Variants in BTD observed in about 807,000 individuals in gnomAD.
The protein encoded by BTD is biocytinase.
A neutral mutation model predicts 17.7 loss-of-function variants in BTD; 13 were observed. That is an observed-to-expected ratio of 0.74 (90% confidence interval 0.48 to 1.17). The LOEUF (loss-of-function observed/expected upper bound fraction) is 1.17. BTD is among the 50% of genes most tolerant of loss of function. The pLI is 0.00. For synonymous variants in BTD, 240 were observed against 245.2 expected, an observed-to-expected ratio of 0.98 and a Z score of 0.20; for missense variants, 674 against 650.4, an observed-to-expected ratio of 1.04 and a Z score of -0.39.
Position 15,651,012 on chromosome 3 carries a change from C to G in BTD, c.*5524C>G, listed in dbSNP as rs1387515701. On this transcript the variant is annotated 3_prime_UTR_variant, in exon 4 of 4. Transcript: ENST00000643237. ...CTCGATCTCCTGACCTCATGATCTGCCTGCCTCAGCCTCCCAAAGTGCTGG... is the reference window on the plus strand; with the variant it reads ...CTCGATCTCCTGACCTCATGATCTGGCTGCCTCAGCCTCCCAAAGTGCTGG... Among the ~76,000 whole-genome samples the G allele has an allele frequency of 6.6e-6, 1 of 152,232 alleles. No homozygotes were observed.
intron 2 of BTD, among the ~76,000 whole-genome samples, chr3:15,638,910 G>C (rs781163970): frequency 5.3e-5 from 8 of 152,210 alleles, no homozygotes; most frequent in Non-Finnish European, 1.0e-4. Context: ...TAAAAATTCA[G>C]TATTATAATC....
intron 1 of BTD, among the ~76,000 whole-genome samples, chr3:15,606,011 C>G (rs2064438942): frequency 7.7e-6 from 1 of 130,602 alleles, no homozygotes; most frequent in Non-Finnish European, 1.5e-5. Context: ...CCACTGTACT[C>G]TAGCCTGGGT....
downstream of BTD, chr3:15,713,747 A>G (rs1167808798): frequency 3.4e-6 from 2 of 593,282 alleles, no homozygotes; most frequent in Non-Finnish European, 5.6e-6. Context: ...ACTAATAGAT[A>G]CAGCAATTTT....
chr3:15,673,153 G>A (rs1012895487), intron 3 of BTD, among the ~76,000 whole-genome samples: 6 of 152,282 alleles, frequency 3.9e-5, no homozygotes, highest in African/African-American at 1.4e-4. Flanking sequence ...TTGGATTTTG[G>A]CTTAGCAGTT....
chr3:15,653,570 G>C lies in BTD; in HGVS notation c.*8082G>C, dbSNP rs561233622. Among the ~76,000 whole-genome samples the C allele has an allele frequency of 3.2e-4, 49 of 152,252 alleles. No individual in the cohort carries two copies. Among genetic ancestry groups the C allele is most frequent in the African/African-American group, 1.1e-3 (47 of 41,552 alleles). On this transcript the variant is annotated 3_prime_UTR_variant, in exon 4 of 4. Transcript: ENST00000643237. Reference sequence around the variant, plus strand: ...TTCATCATCCAAATATATTATTTTTGTTTTGTTTGACTAAAGGCAATTATA... The same window carrying C: ...TTCATCATCCAAATATATTATTTTTCTTTTGTTTGACTAAAGGCAATTATA...
downstream of BTD, among the ~76,000 whole-genome samples, chr3:15,654,061 GTTCATATAAACATGGGAT>G (rs1446486109): frequency 1.3e-5 from 2 of 152,144 alleles, no homozygotes; most frequent in Admixed American, 1.3e-4. Flanking sequence ...ATCACCTAGT[GTTCATATAAACATGGGAT>G]TTAAATACAC....
chr3:15,695,375 C>T (rs776816877), intron 3 of BTD, among the ~76,000 whole-genome samples: 6 of 152,050 alleles, frequency 3.9e-5, no homozygotes, highest in African/African-American at 7.2e-5. Flanking sequence ...TCACAACAGA[C>T]GTCAAATCTA....
intron 1 of BTD, among the ~76,000 whole-genome samples, chr3:15,628,862 G>T (rs2065133275): frequency 6.6e-6 from 1 of 151,880 alleles, no homozygotes; most frequent in Non-Finnish European, 1.5e-5. Context: ...GCAGGATATG[G>T]TTGAAACATT....
At chr3:15,703,166 T>C (rs1030254199) in intron 3 of BTD, among the ~76,000 whole-genome samples, 5 of 152,180 alleles carry the variant, frequency 3.3e-5, no homozygotes, top group South Asian at 4.1e-4. Context: ...AATTTAAAGA[T>C]TGATTTTGGT....
chr3:15,690,545 C>CT (rs1327898550), intron 3 of BTD, among the ~76,000 whole-genome samples: 1 of 152,110 alleles, frequency 6.6e-6, no homozygotes, highest in Non-Finnish European at 1.5e-5. Flanking sequence ...GATTTCAAGT[C>CT]TGATTCTAAA....
At chr3:15,696,391 T>C (rs2069561798) in intron 3 of BTD, 1 of 546,936 alleles carries the variant, frequency 1.8e-6, no homozygotes, top group Non-Finnish European at 3.2e-6. Context: ...AAAAATGTCA[T>C]TTAAATGACA....
At chr3:15,673,500 G>T (rs1000149083) in intron 3 of BTD, among the ~76,000 whole-genome samples, 4 of 152,130 alleles carry the variant, frequency 2.6e-5, no homozygotes, top group African/African-American at 7.2e-5. Context: ...CTTTAGTGGA[G>T]AAGACACAAA....
downstream of BTD, chr3:15,714,740 CTTTATT>C: frequency 1.1e-6 from 1 of 880,050 alleles, no homozygotes; most frequent in Admixed American, 3.7e-5. Flanking sequence ...CCTCTTGCAT[CTTTATT>C]TTTATAACTA....
chr3:15,643,632 T>A (rs549739673), intron 3 of BTD, among the ~76,000 whole-genome samples: 1 of 152,324 alleles, frequency 6.6e-6, no homozygotes, highest in East Asian at 1.9e-4. Context: ...GAGATGTTTG[T>A]GGGTCACTTT....
At chr3:15,713,448 G>A (rs761040897), downstream of BTD, 12 of 1,068,466 alleles carry the variant, frequency 1.1e-5, no homozygotes, top group South Asian at 5.9e-5. Flanking sequence ...ACATTTCCAC[G>A]TGAAATGTCT....
intron 3 of BTD, among the ~76,000 whole-genome samples, chr3:15,671,224 C>A (rs977980509): frequency 6.6e-6 from 1 of 152,110 alleles, no homozygotes; most frequent in South Asian, 2.1e-4. Context: ...AAGCGGAAGA[C>A]AACTGACCTT....
intron 1 of BTD, chr3:15,632,609 G>T (rs1275591243): frequency 6.6e-6 from 1 of 152,246 alleles, no homozygotes; most frequent in Non-Finnish European, 1.5e-5. Context: ...CAGCTCTAAA[G>T]ATGGGTCAGC....
chr3:15,705,066 T>C (rs1052130094), intron 3 of BTD, among the ~76,000 whole-genome samples: 2 of 152,156 alleles, frequency 1.3e-5, no homozygotes, highest in African/African-American at 4.8e-5. Flanking sequence ...GTATGGAAAC[T>C]CCAAGATTTA....
chr3:15,676,645 T>C (rs1021186435), intron 3 of BTD: 8 of 209,278 alleles, frequency 3.8e-5, no homozygotes, highest in African/African-American at 1.7e-4. Flanking sequence ...ACCTCATTTA[T>C]TGTTAGTTTC....
Sources: allele counts gnomAD v4.1 joint callset (sites outside exome capture counted in the v4.1 genomes callset), GRCh38; gene constraint gnomAD v4.1.1; transcripts MANE v1.5; gene names NCBI Gene and HGNC (gene_info 2026-07-23, HGNC 2026-07-21).